The following NCKAP5 variants were observed in gnomAD, a reference collection of about 807,000 sequenced individuals.
The protein encoded by NCKAP5 is nck-associated protein 5.
In NCKAP5, 92 loss-of-function variants were observed where a neutral mutation model predicts 167.0. That is an observed-to-expected ratio of 0.55 (90% CI 0.47 to 0.66). NCKAP5 has a LOEUF of 0.66. Among genes scored for constraint, NCKAP5 ranks in the 30% least tolerant of loss-of-function variants. The probability of loss-of-function intolerance (pLI) is 0.00; values close to 1 mark genes in which losing one functional copy is unlikely to be tolerated. For synonymous variants in NCKAP5, 891 were observed against 877.4 expected, an observed-to-expected ratio of 1.02 and a Z score of -0.27; for missense variants, 2,378 against 2,315.0, an observed-to-expected ratio of 1.03 and a Z score of -0.56.
intron 11 of NCKAP5, among the ~76,000 whole-genome samples, chr2:132,830,679 G>C (rs187055260): frequency 1.3e-5 from 2 of 152,208 alleles, no homozygotes; most frequent in East Asian, 3.9e-4. Context: ...TTCTCTCACT[G>C]GGAGTGACAA....
At chr2:133,078,470 A>G (rs1458091488) in intron 6 of NCKAP5, among the ~76,000 whole-genome samples, 1 of 152,010 alleles carries the variant, frequency 6.6e-6, no homozygotes, top group Non-Finnish European at 1.5e-5. Flanking sequence ...GTCAGAGCCA[A>G]CTCTGCATGG....
At chr2:133,146,837 C>T (rs572907579) in intron 5 of NCKAP5, among the ~76,000 whole-genome samples, 2 of 152,174 alleles carry the variant, frequency 1.3e-5, no homozygotes, top group South Asian at 4.1e-4. Flanking sequence ...CGTGCATACA[C>T]CTTAAACAAG....
intron 2 of NCKAP5, among the ~76,000 whole-genome samples, chr2:133,536,219 T>C (rs1897428): frequency 0.066 from 10,068 of 152,230 alleles, 563 homozygotes; most frequent in East Asian, 0.3. Flanking sequence ...CCTAGGCCTA[T>C]GTCCAGAAGA....
intron 3 of NCKAP5, among the ~76,000 whole-genome samples, chr2:133,387,125 G>A (rs1414513052): frequency 4.6e-5 from 7 of 152,014 alleles, no homozygotes; most frequent in Non-Finnish European, 7.4e-5. Context: ...TAGTTGATGC[G>A]GTTTCCTCCT....
At chr2:133,493,803 A>G (rs1681685309) in intron 3 of NCKAP5, among the ~76,000 whole-genome samples, 1 of 152,234 alleles carries the variant, frequency 6.6e-6, no homozygotes, top group Non-Finnish European at 1.5e-5. Flanking sequence ...ATCTCAAGAA[A>G]GAAGAGTGAG....
chr2:133,141,596 A>T (rs542428435), intron 5 of NCKAP5, among the ~76,000 whole-genome samples: 4 of 152,338 alleles, frequency 2.6e-5, no homozygotes, highest in South Asian at 4.1e-4. Flanking sequence ...TGTACAAGGT[A>T]CTACTGAAGC....
intron 4 of NCKAP5, among the ~76,000 whole-genome samples, chr2:133,249,409 A>T (rs976193309): frequency 6.6e-6 from 1 of 152,080 alleles, no homozygotes; most frequent in Non-Finnish European, 1.5e-5. Context: ...CTCCCTGAGA[A>T]CCTCCAAAAT....
chr2:133,345,632 A>G (rs1487768595), intron 3 of NCKAP5, among the ~76,000 whole-genome samples: 2 of 152,204 alleles, frequency 1.3e-5, no homozygotes, highest in Non-Finnish European at 2.9e-5. Flanking sequence ...AGGGACAGGA[A>G]AGGTGGTGAT....
chr2:133,356,622 T>A (rs907602171), intron 3 of NCKAP5, among the ~76,000 whole-genome samples: 3 of 152,220 alleles, frequency 2.0e-5, no homozygotes, highest in Admixed American at 1.3e-4. Context: ...TTGGGTTATA[T>A]CACCAAATCA....
intron 3 of NCKAP5, among the ~76,000 whole-genome samples, chr2:133,318,067 T>G (rs1000766958): frequency 1.2e-4 from 18 of 152,312 alleles, no homozygotes; most frequent in African/African-American, 4.3e-4. Flanking sequence ...CTCCTGATAC[T>G]ACAGAACCCT....
intron 5 of NCKAP5, among the ~76,000 whole-genome samples, chr2:133,166,604 C>T (rs1020241127): frequency 6.6e-6 from 1 of 152,154 alleles, no homozygotes; most frequent in African/African-American, 2.4e-5. Context: ...CATATACACA[C>T]AAATGATGAA....
chr2:133,065,370 T>C (rs964097201), intron 6 of NCKAP5, among the ~76,000 whole-genome samples: 1 of 152,230 alleles, frequency 6.6e-6, no homozygotes, highest in Non-Finnish European at 1.5e-5. Flanking sequence ...CTTATGCCTA[T>C]AATCAAAACA....
At chr2:133,018,288 G>T (rs1412205227) in intron 6 of NCKAP5, among the ~76,000 whole-genome samples, 1 of 152,168 alleles carries the variant, frequency 6.6e-6, no homozygotes, top group African/African-American at 2.4e-5. Context: ...CTGAGTTCTT[G>T]AGGGCACACT....
chr2:133,073,088 T>G (rs1573947150), intron 6 of NCKAP5, among the ~76,000 whole-genome samples: 1 of 152,318 alleles, frequency 6.6e-6, no homozygotes, highest in Admixed American at 6.5e-5. Context: ...GCTTGTTTCT[T>G]GTAAATTTCC....
chr2:133,555,498 A>T (rs1687680962), intron 2 of NCKAP5, among the ~76,000 whole-genome samples: 1 of 152,234 alleles, frequency 6.6e-6, no homozygotes, highest in African/African-American at 2.4e-5. Flanking sequence ...CCATTCCAGC[A>T]TTGTCTGAGG....
At chr2:132,770,989 A>G (rs1224480574) in intron 16 of NCKAP5, among the ~76,000 whole-genome samples, 1 of 152,236 alleles carries the variant, frequency 6.6e-6, no homozygotes, top group African/African-American at 2.4e-5. Context: ...GATGTATAGT[A>G]CAGAATATTT....
At chr2:132,919,971 T>A (rs918203571) in intron 8 of NCKAP5, among the ~76,000 whole-genome samples, 4 of 152,186 alleles carry the variant, frequency 2.6e-5, no homozygotes, top group Admixed American at 6.5e-5. Context: ...CTCTGTGGCC[T>A]GGATGCTGTT....
chr2:133,454,307 T>C (rs1337348927), intron 3 of NCKAP5, among the ~76,000 whole-genome samples: 2 of 152,066 alleles, frequency 1.3e-5, no homozygotes, highest in African/African-American at 2.4e-5. Flanking sequence ...TATAGAATTA[T>C]ACTTCAACAT....
chr2:133,471,690 A>G (rs1056060915), intron 3 of NCKAP5, among the ~76,000 whole-genome samples: 21 of 152,162 alleles, frequency 1.4e-4, no homozygotes, highest in Admixed American at 1.3e-4. Context: ...CCCAGGCTTT[A>G]TCATCATAGG....
Sources: gnomAD v4.1 joint callset for allele counts (sites outside exome capture counted in the v4.1 genomes callset) on GRCh38, gnomAD v4.1.1 for gene constraint, MANE v1.5 for transcripts, NCBI Gene and HGNC (gene_info 2026-07-23, HGNC 2026-07-21) for gene names.